PTH2R: variants seen among roughly 807,000 people sequenced by gnomAD.
PTH2R encodes PTH2 receptor.
Under a neutral mutation model 60.3 loss-of-function variants are expected in PTH2R, and 59 were observed. The observed-to-expected ratio is 0.98, with a 90% CI of 0.79 to 1.22. The LOEUF (loss-of-function observed/expected upper bound fraction) is 1.22, where lower values mean the gene tolerates loss of function less well. Ranked by LOEUF, PTH2R falls within the 50% of genes most tolerant of loss-of-function variation. The pLI is 0.00. For synonymous variants in PTH2R, 256 were observed against 243.8 expected (o/e 1.05, Z -0.47); for missense variants, 749 against 682.6 (o/e 1.10, Z -1.08).
intron 2 of PTH2R, among the ~76,000 whole-genome samples, chr2:208,436,699 C>T (rs191155195): frequency 1.6e-3 from 240 of 152,256 alleles, no homozygotes; most frequent in Non-Finnish European, 2.6e-3. Context: ...ACACAGAGTG[C>T]ACTGGGCTAA....
In PTH2R at chr2:208,437,899, T is replaced by C; in HGVS notation, c.411+18T>C. ...TAGGAAAGGTAATGGAATTTCTCTATTTGTGAATTCCTAAGGGAAAGCAGA... is the reference window on the plus strand; with the variant it reads ...TAGGAAAGGTAATGGAATTTCTCTACTTGTGAATTCCTAAGGGAAAGCAGA... On this transcript the variant is annotated intron_variant, in intron 4 of 12. Transcript: ENST00000272847. The C allele has an allele frequency of 1.2e-6, 2 of 1,604,542 alleles. No homozygotes were observed. Among genetic ancestry groups the C allele is most frequent in the Non-Finnish European group, 1.7e-6 (2 of 1,172,458 alleles).
At position 208,444,824 on chromosome 2, in the gene PTH2R, C is replaced by G. The variant is rs750293004; in HGVS notation, c.790C>G (p.Leu264Val). 41 of 1,613,820 alleles carry G rather than the reference C, an allele frequency of 2.5e-5. No individual in the cohort carries two copies. The Middle Eastern group carries it at 1.8e-3, about 71-fold the overall frequency. The change falls in exon 7 of 13, where the codon CTC (leucine) becomes GTC (valine). Residue 264 changes from leucine to valine, a missense_variant. Transcript: ENST00000272847. ...ILVEGLYLHNLIFVAFFSDTK... is the reference protein window; with the variant it reads ...ILVEGLYLHNVIFVAFFSDTK... ...GGTGGAAGGTCTCTACCTGCATAAT[C>G]TCATCTTTGTGGCTTTCTTTTCGGA...
upstream of PTH2R, among the ~76,000 whole-genome samples, chr2:208,406,015 T>C (rs190288493): frequency 6.6e-6 from 1 of 152,320 alleles, no homozygotes; most frequent in Non-Finnish European, 1.5e-5. Flanking sequence ...TATTTTGTTA[T>C]AGCATCCAGA....
intron 9 of PTH2R, among the ~76,000 whole-genome samples, chr2:208,463,351 T>C: frequency 6.6e-6 from 1 of 152,078 alleles, no homozygotes; most frequent in East Asian, 1.9e-4. Flanking sequence ...GGTCCCAGCT[T>C]ACGGACAACC....
At chr2:208,394,825 A>T (rs1430849331) in intron 1 of PTH2R, among the ~76,000 whole-genome samples, 2 of 152,152 alleles carry the variant, frequency 1.3e-5, no homozygotes, top group South Asian at 4.1e-4. Flanking sequence ...GAATTAAATT[A>T]TTTAAGTAAT....
At chr2:208,417,211 C>T (rs571184211) in intron 1 of PTH2R, among the ~76,000 whole-genome samples, 15 of 152,152 alleles carry the variant, frequency 9.9e-5, no homozygotes, top group Admixed American at 2.6e-4. Context: ...AATGTCCTTC[C>T]GAGATTTCAT....
At chr2:208,395,765 C>T (rs1701197418) in intron 1 of PTH2R, among the ~76,000 whole-genome samples, 1 of 152,158 alleles carries the variant, frequency 6.6e-6, no homozygotes, top group African/African-American at 2.4e-5. Context: ...AATGCCATCC[C>T]CATCAAGCTA....
At chr2:208,401,070 T>C (rs1008329534) in intron 1 of PTH2R, among the ~76,000 whole-genome samples, 1 of 152,222 alleles carries the variant, frequency 6.6e-6, no homozygotes, top group African/African-American at 2.4e-5. Flanking sequence ...ATTCCAGATA[T>C]CAGAAGGAGG....
intron 1 of PTH2R, among the ~76,000 whole-genome samples, chr2:208,373,606 C>G (rs11893137): frequency 6.6e-6 from 1 of 152,000 alleles, no homozygotes; most frequent in South Asian, 2.1e-4. Context: ...AGGGTATTTG[C>G]AGGGAGATTG....
intron 4 of PTH2R, among the ~76,000 whole-genome samples, chr2:208,441,894 T>A (rs1297061989): frequency 6.6e-6 from 1 of 152,208 alleles, no homozygotes; most frequent in Admixed American, 6.5e-5. Context: ...ACCTGGGGCT[T>A]TTCTTACACT....
intron 7 of PTH2R, among the ~76,000 whole-genome samples, chr2:208,450,007 G>A (rs562060534): frequency 6.6e-6 from 1 of 152,144 alleles, no homozygotes; most frequent in South Asian, 2.1e-4. Context: ...TATAAGTTAT[G>A]GTTCATGATT....
chr2:208,432,999 A>G (rs764111174), intron 2 of PTH2R, among the ~76,000 whole-genome samples: 2 of 152,194 alleles, frequency 1.3e-5, no homozygotes, highest in Non-Finnish European at 2.9e-5. Context: ...TTTGCCAACT[A>G]TCTAGGCATC....
intron 10 of PTH2R, among the ~76,000 whole-genome samples, chr2:208,484,437 A>G (rs568035301): frequency 2.0e-5 from 3 of 152,348 alleles, no homozygotes; most frequent in African/African-American, 7.2e-5. Context: ...ATGGTGGCAT[A>G]GTGTATAACT....
chr2:208,464,188 A>G (rs1574897099), intron 9 of PTH2R, among the ~76,000 whole-genome samples: 1 of 152,348 alleles, frequency 6.6e-6, no homozygotes, highest in East Asian at 1.9e-4. Flanking sequence ...AAACCATTCC[A>G]TGATTCACCT....
At chr2:208,489,243 C>A in intron 11 of PTH2R, 93 bp downstream of exon 11, 2 of 1,489,402 alleles carry the variant, frequency 1.3e-6, no homozygotes, top group Non-Finnish European at 1.8e-6. Flanking sequence ...CTCTCTCTGG[C>A]TTTGATGCAC....
At chr2:208,475,550 T>C (rs1156771677) in intron 9 of PTH2R, among the ~76,000 whole-genome samples, 1 of 152,218 alleles carries the variant, frequency 6.6e-6, no homozygotes, top group Non-Finnish European at 1.5e-5. Context: ...AAATAATTCA[T>C]AGAATCAAAG....
chr2:208,438,251 T>C lies in PTH2R; in HGVS notation c.411+370T>C, dbSNP rs1207666214. On this transcript the variant is annotated intron_variant, in intron 4 of 12. Coordinates refer to ENST00000272847, the MANE Select transcript of PTH2R (RefSeq NM_005048.4). ...TACCTATGAATGGCTACATCTCATCTGTATATTCCAGAAGGACCTTTGCAT... is the reference window on the plus strand; with the variant it reads ...TACCTATGAATGGCTACATCTCATCCGTATATTCCAGAAGGACCTTTGCAT... 3.9e-5 allele frequency among the ~76,000 whole-genome samples: 6 copies of C among 152,240 alleles called. No homozygotes were observed. In the East Asian group the frequency reaches 1.2e-3, roughly 29 times the overall value.
rs187981143 is a variant in PTH2R, at chr2:208,440,404, T to C, written c.412-1960T>C. ...ATTCAAATATTTTCTATGAAAAGTT[T>C]TACTATTTTATTAAGAGAAAATAAT... On this transcript the variant is annotated intron_variant, in intron 4 of 12. Transcript: ENST00000272847. Among the ~76,000 whole-genome samples the C allele has an allele frequency of 1.1e-3, 170 of 152,342 alleles. 1 individual carries two copies. Among genetic ancestry groups the C allele is most frequent in the African/African-American group, 4.0e-3 (167 of 41,600 alleles).
At chr2:208,477,102 T>C (rs1453560395) in intron 9 of PTH2R, among the ~76,000 whole-genome samples, 1 of 152,226 alleles carries the variant, frequency 6.6e-6, no homozygotes, top group African/African-American at 2.4e-5. Context: ...GCCTATTTAT[T>C]CACTCTCATT....
Sources: allele counts gnomAD v4.1 joint callset (sites outside exome capture counted in the v4.1 genomes callset), GRCh38; gene constraint gnomAD v4.1.1; transcripts MANE v1.5; gene names NCBI Gene and HGNC (gene_info 2026-07-23, HGNC 2026-07-21).